Variants in PPP3CA observed in about 807,000 individuals in gnomAD.
PPP3CA encodes the protein CAM-PRP catalytic subunit.
A neutral mutation model predicts 66.5 loss-of-function variants in PPP3CA; 14 were observed. The ratio of observed to expected loss-of-function variants is 0.21; its 90% CI spans 0.14 to 0.33. The LOEUF is 0.33. Among genes scored for constraint, PPP3CA ranks in the 10% least tolerant of loss-of-function variants. PPP3CA has a pLI of 1.00. For synonymous variants in PPP3CA, 232 were observed against 226.2 expected, an observed-to-expected ratio of 1.03 and a Z score of -0.23; for missense variants, 317 against 639.5, an observed-to-expected ratio of 0.50 and a Z score of 5.44.
chr4:101,270,461 G>T (rs1484706082), intron 1 of PPP3CA, among the ~76,000 whole-genome samples: 2 of 151,974 alleles, frequency 1.3e-5, no homozygotes, highest in Non-Finnish European at 2.9e-5. Context: ...TATGTTTAAA[G>T]ACACAAACAA....
intron 10 of PPP3CA, among the ~76,000 whole-genome samples, chr4:101,046,035 G>A (rs1474231713): frequency 6.6e-6 from 1 of 152,136 alleles, no homozygotes; most frequent in Non-Finnish European, 1.5e-5. Context: ...GGGGAGAGAA[G>A]TCTCTATGTC....
chr4:101,203,641 ATATACT>A (rs1725038637), intron 1 of PPP3CA, among the ~76,000 whole-genome samples: 1 of 152,146 alleles, frequency 6.6e-6, no homozygotes, highest in Non-Finnish European at 1.5e-5. Context: ...ATATATTTAA[ATATACT>A]TATTTATGTA....
chr4:101,213,263 T>C (rs1434691223), intron 1 of PPP3CA, among the ~76,000 whole-genome samples: 1 of 152,206 alleles, frequency 6.6e-6, no homozygotes, highest in Non-Finnish European at 1.5e-5. Flanking sequence ...TTAAGTCATA[T>C]GTGCACCATA....
At chr4:101,317,993 T>C (rs1728931934) in intron 1 of PPP3CA, among the ~76,000 whole-genome samples, 5 of 152,230 alleles carry the variant, frequency 3.3e-5, no homozygotes, top group African/African-American at 1.2e-4. Context: ...CAGATAAATG[T>C]AATCACTCAA....
At chr4:101,032,783 T>TAAAA (rs965361111) in intron 11 of PPP3CA, among the ~76,000 whole-genome samples, 1 of 152,026 alleles carries the variant, frequency 6.6e-6, no homozygotes, top group Admixed American at 6.5e-5. Flanking sequence ...TTTGACGGAA[T>TAAAA]AAAAAAACAG....
chr4:101,207,311 G>T (rs1725160718), intron 1 of PPP3CA, among the ~76,000 whole-genome samples: 1 of 152,110 alleles, frequency 6.6e-6, no homozygotes, highest in Admixed American at 6.5e-5. Context: ...ATTGAAGTAT[G>T]ATTCAATTAA....
At chr4:101,206,840 T>C (rs958863262) in intron 1 of PPP3CA, among the ~76,000 whole-genome samples, 9 of 152,200 alleles carry the variant, frequency 5.9e-5, no homozygotes, top group African/African-American at 2.2e-4. Flanking sequence ...TCTAAAAGTA[T>C]ATAATTATAA....
intron 12 of PPP3CA, among the ~76,000 whole-genome samples, chr4:101,031,333 T>C (rs575065670): frequency 2.0e-5 from 3 of 152,234 alleles, no homozygotes; most frequent in Non-Finnish European, 2.9e-5. Flanking sequence ...TTGAAAAATG[T>C]TATAGCATAT....
intron 10 of PPP3CA, among the ~76,000 whole-genome samples, chr4:101,043,559 A>T (rs1381019188): frequency 6.9e-6 from 1 of 145,806 alleles, no homozygotes; most frequent in African/African-American, 2.6e-5. Flanking sequence ...TTCTTAATTA[A>T]AAAAAAAAAA....
intron 1 of PPP3CA, among the ~76,000 whole-genome samples, chr4:101,317,796 C>T (rs1366658423): frequency 6.6e-6 from 1 of 152,122 alleles, no homozygotes; most frequent in East Asian, 1.9e-4. Flanking sequence ...AAACAGTGGG[C>T]TCTGAAACCG....
At chr4:101,195,104 C>T (rs1411526284) in intron 2 of PPP3CA, among the ~76,000 whole-genome samples, 2 of 151,870 alleles carry the variant, frequency 1.3e-5, no homozygotes, top group Non-Finnish European at 2.9e-5. Flanking sequence ...GAAACACCAT[C>T]TCTACAAAAA....
At chr4:101,220,506 T>C (rs938104774) in intron 1 of PPP3CA, among the ~76,000 whole-genome samples, 4 of 151,736 alleles carry the variant, frequency 2.6e-5, no homozygotes, top group East Asian at 1.9e-4. Context: ...CAGCTAGAGA[T>C]AAATGGATTT....
intron 1 of PPP3CA, among the ~76,000 whole-genome samples, chr4:101,229,649 T>C (rs1725896372): frequency 6.6e-6 from 1 of 151,508 alleles, no homozygotes; most frequent in African/African-American, 2.4e-5. Flanking sequence ...AAAGGCAGCA[T>C]TAGTATAAAT....
chr4:101,088,146 CTGTG>C (rs146544831), intron 6 of PPP3CA, among the ~76,000 whole-genome samples: 1 of 152,112 alleles, frequency 6.6e-6, no homozygotes, highest in African/African-American at 2.4e-5. Context: ...CCCCACCAAC[CTGTG>C]TGTGTGCGCG....
intron 2 of PPP3CA, among the ~76,000 whole-genome samples, chr4:101,143,288 T>A (rs139907205): frequency 1.9e-3 from 282 of 152,304 alleles, no homozygotes; most frequent in African/African-American, 6.4e-3. Flanking sequence ...CACTCCATCA[T>A]CAATTATTTA....
chr4:101,061,464 T>C (rs957539709), intron 9 of PPP3CA, among the ~76,000 whole-genome samples: 5 of 152,032 alleles, frequency 3.3e-5, no homozygotes, highest in Non-Finnish European at 5.9e-5. Context: ...GAGAAAATAG[T>C]TTTTTTGAAT....
At chr4:101,121,038 G>A (rs1722011193) in intron 2 of PPP3CA, among the ~76,000 whole-genome samples, 1 of 151,964 alleles carries the variant, frequency 6.6e-6, no homozygotes, top group Non-Finnish European at 1.5e-5. Flanking sequence ...AATTAACACA[G>A]GTGTTTGGAA....
At chr4:101,333,314 A>G (rs1729505705) in intron 1 of PPP3CA, among the ~76,000 whole-genome samples, 1 of 64,958 alleles carries the variant, frequency 1.5e-5, no homozygotes, top group African/African-American at 5.1e-5. Context: ...TTTTTTGTAG[A>G]GATGAGGTCT....
intron 6 of PPP3CA, 98 bp from the exon 7 acceptor site, chr4:101,083,361 A>G: frequency 9.7e-7 from 1 of 1,029,880 alleles, no homozygotes; most frequent in Non-Finnish European, 1.5e-6. Context: ...TGGATCAAAG[A>G]TAATCAAACA....
Sources: gnomAD v4.1 joint callset for allele counts (sites outside exome capture counted in the v4.1 genomes callset) on GRCh38, gnomAD v4.1.1 for gene constraint, MANE v1.5 for transcripts, NCBI Gene and HGNC (gene_info 2026-07-23, HGNC 2026-07-21) for gene names.